Variants in ST6GALNAC3 observed in about 807,000 individuals in gnomAD.
ST6GALNAC3 encodes the protein ST6 N-acetylgalactosaminide alpha-2,6-sialyltransferase 3.
In ST6GALNAC3, 25 loss-of-function variants were observed where a neutral mutation model predicts 32.7. That is an observed-to-expected ratio of 0.76 (90% CI 0.56 to 1.07). The LOEUF is 1.07. Among genes scored for constraint, ST6GALNAC3 ranks in the 50% least tolerant of loss-of-function variants. The probability of loss-of-function intolerance (pLI) is 0.00; values close to 1 mark genes in which losing one functional copy is unlikely to be tolerated. For synonymous variants in ST6GALNAC3, 129 were observed against 133.1 expected (o/e 0.97, Z 0.21); for missense variants, 355 against 382.4 (o/e 0.93, Z 0.60).
intron 2 of ST6GALNAC3, among the ~76,000 whole-genome samples, chr1:76,334,836 C>T (rs994939269): frequency 5.3e-5 from 8 of 152,162 alleles, no homozygotes; most frequent in Non-Finnish European, 1.0e-4. Flanking sequence ...GTTTCCGATT[C>T]AGTAGATGTG....
chr1:76,388,848 C>A (rs915585073), intron 2 of ST6GALNAC3, among the ~76,000 whole-genome samples: 2 of 152,102 alleles, frequency 1.3e-5, no homozygotes, highest in African/African-American at 4.8e-5. Context: ...ACAACAGGCT[C>A]TGTAGTCAAC....
At chr1:76,196,251 A>C (rs1654196698) in intron 1 of ST6GALNAC3, among the ~76,000 whole-genome samples, 2 of 152,252 alleles carry the variant, frequency 1.3e-5, no homozygotes, top group East Asian at 1.9e-4. Flanking sequence ...GGATTGTTAA[A>C]ATACGGATTG....
intron 1 of ST6GALNAC3, among the ~76,000 whole-genome samples, chr1:76,182,880 G>C (rs140334961): frequency 2.4e-4 from 37 of 151,642 alleles, no homozygotes; most frequent in Middle Eastern, 6.8e-3. Context: ...TACAACCTAC[G>C]AATTACCTAA....
At chr1:76,175,211 C>T (rs772885665) in intron 1 of ST6GALNAC3, among the ~76,000 whole-genome samples, 1 of 151,992 alleles carries the variant, frequency 6.6e-6, no homozygotes, top group African/African-American at 2.4e-5. Context: ...ATGTTAAAGA[C>T]TTTAGACATG....
chr1:76,469,070 G>A (rs192387924), intron 3 of ST6GALNAC3, among the ~76,000 whole-genome samples: 4 of 152,164 alleles, frequency 2.6e-5, no homozygotes, highest in East Asian at 1.9e-4. Flanking sequence ...TTAAAATAAT[G>A]TTATTTGTGC....
chr1:76,521,770 A>T (rs1662552301), intron 3 of ST6GALNAC3, among the ~76,000 whole-genome samples: 1 of 151,646 alleles, frequency 6.6e-6, no homozygotes, highest in Non-Finnish European at 1.5e-5. Context: ...TATTTTTAGC[A>T]TTTAAAAAAT....
chr1:76,196,730 T>G lies in ST6GALNAC3; in HGVS notation c.19-117075T>G, dbSNP rs61773768. 7.2e-3 allele frequency among the ~76,000 whole-genome samples: 1,099 copies of G among 152,282 alleles called. 9 individuals carry two copies. Among genetic ancestry groups the G allele is most frequent in the Middle Eastern group, 0.017 (5 of 294 alleles). On this transcript the variant is annotated intron_variant, in intron 1 of 4. Transcript: ENST00000328299. ...ATCCGCCCACCTCGGCCTCCCAAAG[T>G]GCTATTACAGGTGTGAGCCACTGTA...
intron 3 of ST6GALNAC3, among the ~76,000 whole-genome samples, chr1:76,505,128 C>T (rs570814931): frequency 4.2e-5 from 6 of 143,534 alleles, no homozygotes; most frequent in Admixed American, 3.5e-4. Flanking sequence ...GAAGCCAAAG[C>T]TTTTTTTTTT....
At chr1:76,238,087 C>T (rs1428848817) in intron 1 of ST6GALNAC3, among the ~76,000 whole-genome samples, 1 of 152,186 alleles carries the variant, frequency 6.6e-6, no homozygotes, top group Non-Finnish European at 1.5e-5. Flanking sequence ...GGCACAGGGC[C>T]CCCAGGAGCC....
intron 3 of ST6GALNAC3, among the ~76,000 whole-genome samples, chr1:76,612,873 C>T (rs188492142): frequency 3.8e-4 from 58 of 152,294 alleles, no homozygotes; most frequent in African/African-American, 1.3e-3. Flanking sequence ...ATAAATAAAA[C>T]GACACTTCTG....
intron 2 of ST6GALNAC3, among the ~76,000 whole-genome samples, chr1:76,316,021 T>C (rs981508713): frequency 6.6e-6 from 1 of 152,082 alleles, no homozygotes; most frequent in Non-Finnish European, 1.5e-5. Context: ...TTAGTAATCA[T>C]GGTTTTACAA....
At chr1:76,466,477 AG>A (rs1377753235) in intron 3 of ST6GALNAC3, among the ~76,000 whole-genome samples, 8 of 152,104 alleles carry the variant, frequency 5.3e-5, no homozygotes, top group African/African-American at 1.9e-4. Flanking sequence ...CAAATTAGAA[AG>A]CATTTTTAAA....
At chr1:76,344,903 C>T (rs1036859660) in intron 2 of ST6GALNAC3, among the ~76,000 whole-genome samples, 2 of 152,058 alleles carry the variant, frequency 1.3e-5, no homozygotes, top group African/African-American at 4.8e-5. Context: ...CCTGTTGGCG[C>T]CCCCCAACCA....
At chr1:76,596,767 G>C (rs1647144680) in intron 3 of ST6GALNAC3, among the ~76,000 whole-genome samples, 1 of 152,104 alleles carries the variant, frequency 6.6e-6, no homozygotes, top group Non-Finnish European at 1.5e-5. Context: ...TGCAGTAACT[G>C]TTGCTATCAA....
chr1:76,314,088 C>T (rs1646821890), intron 2 of ST6GALNAC3, 89 bp downstream of exon 2: 3 of 1,275,476 alleles, frequency 2.4e-6, no homozygotes, highest in Non-Finnish European at 3.2e-6. Context: ...ACTCACTGAA[C>T]TTACTCTGTC....
At chr1:76,535,962 C>T (rs1268289907) in intron 3 of ST6GALNAC3, among the ~76,000 whole-genome samples, 1 of 152,132 alleles carries the variant, frequency 6.6e-6, no homozygotes, top group Non-Finnish European at 1.5e-5. Context: ...TTATTCTACT[C>T]TTCTTGGGCA....
chr1:76,344,373 C>G (rs1455445696), intron 2 of ST6GALNAC3, among the ~76,000 whole-genome samples: 1 of 152,170 alleles, frequency 6.6e-6, no homozygotes, highest in Non-Finnish European at 1.5e-5. Context: ...GCGACATTTC[C>G]TGGTCCCCCA....
chr1:76,266,423 C>A (rs1658530700), intron 1 of ST6GALNAC3, among the ~76,000 whole-genome samples: 1 of 152,188 alleles, frequency 6.6e-6, no homozygotes, highest in South Asian at 2.1e-4. Flanking sequence ...AGAGGAAGGG[C>A]AACCTGCAGC....
intron 3 of ST6GALNAC3, among the ~76,000 whole-genome samples, chr1:76,575,816 A>T (rs928243235): frequency 1.3e-5 from 2 of 152,024 alleles, no homozygotes; most frequent in African/African-American, 4.8e-5. Context: ...TCTTTTCTAT[A>T]AAGAACCAGA....
Sources: gnomAD v4.1 joint callset for allele counts (sites outside exome capture counted in the v4.1 genomes callset) on GRCh38, gnomAD v4.1.1 for gene constraint, MANE v1.5 for transcripts, NCBI Gene and HGNC (gene_info 2026-07-23, HGNC 2026-07-21) for gene names.